B3GALNT1: variants seen among roughly 807,000 people sequenced by gnomAD.
B3GALNT1 encodes beta-1,3-N-acetylgalactosaminyltransferase 1 (Globoside blood group).
In B3GALNT1, 17 loss-of-function variants were observed where a neutral mutation model predicts 27.3. The observed-to-expected ratio is 0.62, with a 90% CI of 0.43 to 0.94. B3GALNT1 has a LOEUF of 0.94. Ranked by LOEUF, B3GALNT1 falls within the 40% of genes least tolerant of loss-of-function variation. The pLI, the probability that B3GALNT1 is intolerant of heterozygous loss-of-function variation, is 0.00. For synonymous variants in B3GALNT1, 141 were observed against 144.0 expected (o/e 0.98, Z 0.15); for missense variants, 347 against 390.0 (o/e 0.89, Z 0.93).
intron 1 of B3GALNT1, 95 bp from the exon 2 acceptor site, chr3:161,104,501 G>C (rs1733200686): frequency 6.3e-6 from 3 of 472,540 alleles, no homozygotes; most frequent in African/African-American, 4.1e-5. Flanking sequence ...TGAATTCAAA[G>C]ACTACCCGTA....
chr3:161,090,023 C>T, intron 4 of B3GALNT1: 2 of 224,332 alleles, frequency 8.9e-6, no homozygotes, highest in South Asian at 4.6e-5. Context: ...GAGCTGAGAT[C>T]CTGCCACTGT....
intron 4 of B3GALNT1, among the ~76,000 whole-genome samples, chr3:161,092,239 T>C (rs1725499960): frequency 6.6e-6 from 1 of 152,210 alleles, no homozygotes; most frequent in South Asian, 2.1e-4. Flanking sequence ...AAATAAAAGT[T>C]GGTATGTCTT....
At chr3:161,095,019 T>C (rs1157467822) in intron 4 of B3GALNT1, among the ~76,000 whole-genome samples, 1 of 152,068 alleles carries the variant, frequency 6.6e-6, no homozygotes, top group Non-Finnish European at 1.5e-5. Flanking sequence ...TATATAGAGA[T>C]GGGGGTCTTG....
rs1259398400 is a variant in B3GALNT1 at position 161,085,858 on chromosome 3, G to T, written c.897C>A (p.Val299=). Residue 299 remains valine, a synonymous_variant, in exon 5 of 5, where the codon GTC becomes GTA. Coordinates refer to ENST00000320474, the MANE Select transcript of B3GALNT1 (RefSeq NM_003781.4). Reference sequence around the variant, plus strand: ...CTGCAATCACACGTCTCAGTTGACAGACATCCAAATGGATTCTATATAGAA... The same window carrying T: ...CTGCAATCACACGTCTCAGTTGACATACATCCAAATGGATTCTATATAGAA... ...LFFLYRIHLD[V]CQLRRVIAAH... is the part of the protein sequence containing the mutation. 1 of 1,614,120 alleles carries T rather than the reference G, an allele frequency of 6.2e-7. No individual in the cohort carries two copies. The highest frequency in any genetic ancestry group is 8.5e-7 in the Non-Finnish European group (1 of 1,180,000).
chr3:161,094,349 T>C (rs1328843951), intron 4 of B3GALNT1, among the ~76,000 whole-genome samples: 1 of 152,170 alleles, frequency 6.6e-6, no homozygotes, highest in Non-Finnish European at 1.5e-5. Context: ...GAACAGTAAC[T>C]AATTGTTCAT....
chr3:161,088,874 A>G (rs983562566), intron 4 of B3GALNT1, among the ~76,000 whole-genome samples: 1 of 152,244 alleles, frequency 6.6e-6, no homozygotes, highest in Non-Finnish European at 1.5e-5. Flanking sequence ...ATCTTATTAT[A>G]AAAGTTATTT....
intron 3 of B3GALNT1, among the ~76,000 whole-genome samples, 186 bp from the exon 4 acceptor site, chr3:161,101,419 T>C (rs865809119): frequency 6.6e-6 from 1 of 152,228 alleles, no homozygotes; most frequent in African/African-American, 2.4e-5. Context: ...CTCTTTACTA[T>C]TCTTCTTAGT....
intron 3 of B3GALNT1, among the ~76,000 whole-genome samples, chr3:161,101,596 A>C (rs1353063091): frequency 6.6e-6 from 1 of 152,130 alleles, no homozygotes; most frequent in Non-Finnish European, 1.5e-5. Context: ...ACTCACAACG[A>C]CACATTTCAC....
intron 1 of B3GALNT1, 122 bp downstream of exon 1, chr3:161,105,113 G>C (rs1169159668): frequency 6.6e-6 from 1 of 152,422 alleles, no homozygotes; most frequent in Non-Finnish European, 1.5e-5. Context: ...CCTAGCTGCC[G>C]GGGTCTAGGC....
intron 4 of B3GALNT1, among the ~76,000 whole-genome samples, chr3:161,089,298 A>G (rs1249241263): frequency 6.6e-6 from 1 of 152,232 alleles, no homozygotes; most frequent in East Asian, 1.9e-4. Flanking sequence ...CATCATTTCC[A>G]TTCTATTTGT....
rs974801959 is a variant in B3GALNT1 at position 161,084,571 on chromosome 3, T to C, written c.*1188A>G. ...GGAGTGCTCCCCTTTGACCTACTAT[T>C]AGCAGGTCCAACAAATGATATATCA... On this transcript the variant is annotated 3_prime_UTR_variant, in exon 5 of 5. Coordinates refer to ENST00000320474, the MANE Select transcript of B3GALNT1 (RefSeq NM_003781.4). 8 of 152,144 alleles carry C rather than the reference T, an allele frequency of 5.3e-5. No homozygotes were observed. The highest frequency in any genetic ancestry group is 1.2e-4 in the Non-Finnish European group (8 of 68,022). 9.4% of individuals were successfully genotyped at this position (152,144 alleles called of 1,614,324 possible).
At chr3:161,100,396 GAAACTCTGCTGGTT>G (rs1182897338) in intron 4 of B3GALNT1, among the ~76,000 whole-genome samples, 1 of 152,148 alleles carries the variant, frequency 6.6e-6, no homozygotes, top group Non-Finnish European at 1.5e-5. Flanking sequence ...TTCTGCCCTT[GAAACTCTGCTGGTT>G]GTAGCACCAC....
Position 161,085,361 on chromosome 3 carries a change from C to T in B3GALNT1, c.*398G>A. ...TACATATATTTTTAAATTGGTAATC[C>T]ACATAAGATATACACAAAACCTTCA... On this transcript the variant is annotated 3_prime_UTR_variant, in exon 5 of 5. Coordinates refer to ENST00000320474, the MANE Select transcript of B3GALNT1 (RefSeq NM_003781.4). 1 of 175,108 alleles carries T rather than the reference C, an allele frequency of 5.7e-6. No homozygotes were observed. The highest frequency in any genetic ancestry group is 1.2e-5 in the Non-Finnish European group (1 of 82,340). 10.8% of individuals were successfully genotyped at this position (175,108 alleles called of 1,614,324 possible).
chr3:161,090,059 A>T lies in B3GALNT1; in HGVS notation c.-34-3271T>A, dbSNP rs34184112. Reference sequence around the variant, plus strand: ...ACTCCAGCCTGGGCAACAGAGCAGCAAGACTGTCTCAAAATAAATAAACAA... The same window carrying T: ...ACTCCAGCCTGGGCAACAGAGCAGCTAGACTGTCTCAAAATAAATAAACAA... On this transcript the variant is annotated intron_variant, in intron 4 of 4. Transcript: ENST00000320474. 0.025 allele frequency: 4,227 copies of T among 166,850 alleles called. 207 individuals carry two copies. Among genetic ancestry groups the T allele is most frequent in the African/African-American group, 0.095 (3,981 of 41,882 alleles). The allele number at this position is 166,850 out of a possible 1,614,324, so 10.3% of individuals were successfully genotyped here.
In B3GALNT1 at chr3:161,085,365, T is replaced by TA. The variant is rs1421012325; in HGVS notation, c.*393dup. 5.3e-6 allele frequency: 1 copy of TA among 190,118 alleles called. No homozygotes were observed. The highest frequency in any genetic ancestry group is 1.1e-5 in the Non-Finnish European group (1 of 91,604). The allele number at this position is 190,118 out of a possible 1,614,324, so 11.8% of individuals were successfully genotyped here. A position where few individuals can be genotyped will look rare whatever the true frequency, so the allele number is the denominator to read the frequency against. On this transcript the variant is annotated 3_prime_UTR_variant, in exon 5 of 5. Coordinates refer to ENST00000320474, the MANE Select transcript of B3GALNT1 (RefSeq NM_003781.4). ...TATATTTTTAAATTGGTAATCCACA[T>TA]AAGATATACACAAAACCTTCAAGTG...
intron 2 of B3GALNT1, 100 bp downstream of exon 2, chr3:161,104,219 C>T: frequency 9.7e-6 from 9 of 928,864 alleles, no homozygotes; most frequent in South Asian, 1.5e-5. Flanking sequence ...CACATGCATA[C>T]TAAGAGCACA....
chr3:161,087,195 A>G (rs904037204), intron 4 of B3GALNT1, among the ~76,000 whole-genome samples: 3 of 152,240 alleles, frequency 2.0e-5, no homozygotes, highest in Admixed American at 2.0e-4. Flanking sequence ...ATAAAAAAAG[A>G]AGGATTTAAT....
At chr3:161,092,502 C>T (rs922323407) in intron 4 of B3GALNT1, among the ~76,000 whole-genome samples, 5 of 151,852 alleles carry the variant, frequency 3.3e-5, no homozygotes, top group Admixed American at 2.6e-4. Context: ...ATGAAAGGAA[C>T]ATGTGGTTAA....
rs1720626308 is a variant in B3GALNT1 at position 161,084,114 on chromosome 3, T to C, written c.*1645A>G. On this transcript the variant is annotated 3_prime_UTR_variant, in exon 5 of 5. Transcript: ENST00000320474. Reference sequence around the variant, plus strand: ...TTATAATTTTATGGGACCACTATTGTATATGTCATTATGCAGTACATAACT... The same window carrying C: ...TTATAATTTTATGGGACCACTATTGCATATGTCATTATGCAGTACATAACT... 1 of 152,134 alleles carries C rather than the reference T, an allele frequency of 6.6e-6. No individual in the cohort carries two copies. The highest frequency in any genetic ancestry group is 6.5e-5 in the Admixed American group (1 of 15,276). 9.4% of individuals were successfully genotyped at this position (152,134 alleles called of 1,614,324 possible). A position where few individuals can be genotyped will look rare whatever the true frequency, so the allele number is the denominator to read the frequency against.
Sources: allele counts gnomAD v4.1 joint callset (sites outside exome capture counted in the v4.1 genomes callset), GRCh38; gene constraint gnomAD v4.1.1; transcripts MANE v1.5; gene names NCBI Gene and HGNC (gene_info 2026-07-23, HGNC 2026-07-21).